MFRP: variants seen among roughly 807,000 people sequenced by gnomAD.
MFRP encodes the protein C1q and TNF related 5.
MFRP carries 74 observed loss-of-function variants against 65.8 expected under a neutral mutation model. The ratio of observed to expected loss-of-function variants is 1.12; its 90% CI spans 0.93 to 1.36. MFRP has a LOEUF of 1.36. Among genes scored for constraint, MFRP ranks in the 40% most tolerant of loss-of-function variants. The pLI is 0.00. For synonymous variants in MFRP, 336 were observed against 288.3 expected, an observed-to-expected ratio of 1.17 and a Z score of -1.68; for missense variants, 838 against 736.0, an observed-to-expected ratio of 1.14 and a Z score of -1.60.
chr11:119,345,000 A>T lies in MFRP; in HGVS notation c.646T>A (p.Cys216Ser). ...PEPEGPLLRVCGRVPPPTLNT... is the reference protein window; with the variant it reads ...PEPEGPLLRVSGRVPPPTLNT... Reference sequence around the variant, plus strand: ...AGCGTGGGGGGAGGCACCCTTCCACAAACCCTGCAAGAAGCCAGGTTGGGG... The same window carrying T: ...AGCGTGGGGGGAGGCACCCTTCCACTAACCCTGCAAGAAGCCAGGTTGGGG... The change falls in exon 6 of 15, where the codon TGT becomes AGT. Residue 216 changes from cysteine to serine, a missense_variant. Coordinates refer to ENST00000619721, the MANE Select transcript of MFRP (RefSeq NM_031433.4). 1 of 1,604,462 alleles carries T rather than the reference A, an allele frequency of 6.2e-7. No individual in the cohort carries two copies. Among genetic ancestry groups the T allele is most frequent in the Non-Finnish European group, 8.5e-7 (1 of 1,176,660 alleles).
Position 119,341,170 on chromosome 11 carries a change from C to T in MFRP, c.*378G>A. 6 of 283,350 alleles carry T rather than the reference C, an allele frequency of 2.1e-5. No homozygotes were observed. The South Asian group carries it at 2.4e-4, about 11-fold the overall frequency. The allele number at this position is 283,350 out of a possible 1,614,324, so 17.6% of individuals were successfully genotyped here. ...CAGACAGCCAGTTGGATCCCTAGGG[C>T]CTAGGACAGGGGCCTGCCACATGAA... is the stretch of plus-strand genomic sequence containing the variant. On this transcript the variant is annotated 3_prime_UTR_variant, in exon 13 of 15. Transcript: ENST00000619721.
Position 119,344,409 on chromosome 11 carries a change from G to T in MFRP, c.899-18C>A. ...CCCACACCCTGTAGAGAGGTGGAAG[G>T]GCTCATGAGTTTGCTAGGATCTGTG... On this transcript the variant is annotated intron_variant, in intron 7 of 14. Coordinates refer to ENST00000619721, the MANE Select transcript of MFRP (RefSeq NM_031433.4). 2.5e-6 allele frequency: 4 copies of T among 1,611,388 alleles called. No individual in the cohort carries two copies. The highest frequency in any genetic ancestry group is 1.1e-5 in the South Asian group (1 of 90,790).
intron 9 of MFRP, 115 bp downstream of exon 9, chr11:119,343,701 T>C: frequency 7.5e-7 from 1 of 1,336,638 alleles, no homozygotes; most frequent in Non-Finnish European, 1.1e-6. Flanking sequence ...ACCCCCGGCC[T>C]GGAGTAGCAG....
In MFRP at chr11:119,339,086, C is replaced by T. The variant is rs115670501; in HGVS notation, c.*1873G>A. On this transcript the variant is annotated 3_prime_UTR_variant, in exon 15 of 15. Transcript: ENST00000619721. This position sits in a 1 kb window ranked among gnomAD's most constrained non-coding sequence, Gnocchi z 5.4. ...TGGACCAGAGCAACTGGGGGACTTA[C>T]ACTTGCCAGCACAGCACACTCCTCT... 6 of 504,326 alleles carry T rather than the reference C, an allele frequency of 1.2e-5. No homozygotes were observed. Among genetic ancestry groups the T allele is most frequent in the African/African-American group, 9.5e-5 (5 of 52,450 alleles). 31.2% of individuals were successfully genotyped at this position (504,326 alleles called of 1,614,324 possible).
At chr11:119,344,070 T>A in intron 8 of MFRP, 106 bp from the exon 9 acceptor site, 1 of 1,439,802 alleles carries the variant, frequency 6.9e-7, no homozygotes, top group Non-Finnish European at 9.6e-7. Flanking sequence ...GATGGGGTGG[T>A]GCTTTCATCA....
At chr11:119,343,768 C>G (rs1565293875) in intron 9 of MFRP, 48 bp downstream of exon 9, 3 of 1,611,432 alleles carry the variant, frequency 1.9e-6, no homozygotes, top group Non-Finnish European at 2.5e-6. Context: ...CCGGGGGTGG[C>G]AGACAGTGAG....
In MFRP at chr11:119,340,908, G is replaced by GAAAT; in HGVS notation, c.*636_*639dup. 1 of 169,634 alleles carries GAAAT rather than the reference G, an allele frequency of 5.9e-6. No homozygotes were observed. Among genetic ancestry groups the GAAAT allele is most frequent in the Admixed American group, 6.2e-5 (1 of 16,248 alleles). 10.5% of individuals were successfully genotyped at this position (169,634 alleles called of 1,614,324 possible). On this transcript the variant is annotated 3_prime_UTR_variant, in exon 13 of 15. Coordinates refer to ENST00000619721, the MANE Select transcript of MFRP (RefSeq NM_031433.4). ...CAGGGGCCAAGAGCTCCCGGACCGG[G>GAAAT]AAATAGCTGGGAAATAACTCGTGGT...
Position 119,339,191 on chromosome 11 carries a change from C to T in MFRP, c.*1768G>A. 6.4e-6 allele frequency: 6 copies of T among 934,630 alleles called. No homozygotes were observed. The highest frequency in any genetic ancestry group is 9.5e-6 in the Non-Finnish European group (6 of 633,748). 57.9% of individuals were successfully genotyped at this position (934,630 alleles called of 1,614,324 possible). A position where few individuals can be genotyped will look rare whatever the true frequency, so the allele number is the denominator to read the frequency against. ...AGCCACTGTTCCCATTCCTTGCCAG[C>T]AGCAGGACGGAGAGTGCTCTACCCC... On this transcript the variant is annotated 3_prime_UTR_variant, in exon 15 of 15. Transcript: ENST00000619721. This position sits in a 1 kb window ranked among gnomAD's most constrained non-coding sequence, Gnocchi z 5.4.
chr11:119,341,628 C>T lies in MFRP; in HGVS notation c.1660G>A (p.Ala554Thr). Reference protein sequence around the residue: ...EAEHQCQSGLALLGTPWPFNC... With the variant: ...EAEHQCQSGLTLLGTPWPFNC... ...AAGGGCCAGGGGGTGCCCAGTAGTG[C>T]CAGGCCAGACTGGCACTGGTGCTCC... Residue 554 changes from alanine (A) to threonine (T), a missense_variant, in exon 13 of 15, where the codon GCA (alanine) becomes ACA (threonine). Physicochemically the swap from Ala to Thr is moderately conservative, Grantham distance 58. Transcript: ENST00000619721. 2 of 1,612,978 alleles carry T rather than the reference C, an allele frequency of 1.2e-6. No individual in the cohort carries two copies. Among genetic ancestry groups the T allele is most frequent in the Non-Finnish European group, 1.7e-6 (2 of 1,180,022 alleles).
At chr11:119,343,782 G>A in intron 9 of MFRP, 34 bp downstream of exon 9, 1 of 1,613,330 alleles carries the variant, frequency 6.2e-7, no homozygotes, top group African/African-American at 1.3e-5. Flanking sequence ...CAGTGAGGAT[G>A]GAGTTATCCA....
At position 119,340,309 on chromosome 11, in the gene MFRP, C is replaced by G; in HGVS notation, c.*985G>C. 1 of 1,539,196 alleles carries G rather than the reference C, an allele frequency of 6.5e-7. No homozygotes were observed. The highest frequency in any genetic ancestry group is 8.7e-7 in the Non-Finnish European group (1 of 1,143,662). On this transcript the variant is annotated 3_prime_UTR_variant, in exon 14 of 15. Transcript: ENST00000619721. ...CGGCGTGCCTGGAAGGCCGGGGTGC[C>G]CCGGGCAGAGGCTGGGGATCTTGTT... is the stretch of plus-strand genomic sequence containing the variant.
At chr11:119,345,129 C>A in intron 5 of MFRP, 125 bp from the exon 6 acceptor site, 1 of 1,292,978 alleles carries the variant, frequency 7.7e-7, no homozygotes, top group East Asian at 2.5e-5. Context: ...GTCAAAAAGG[C>A]TCCTCTGATG....
rs1303910426 is a variant in MFRP, at chr11:119,344,703, T to C, written c.827A>G (p.Asp276Gly). The C allele has an allele frequency of 4.3e-6, 7 of 1,614,004 alleles. No homozygotes were observed. In the Admixed American group the frequency reaches 8.3e-5, roughly 19 times the overall value. Residue 276 changes from aspartate to glycine, a missense_variant, in exon 7 of 15, where the codon GAC becomes GGC. Physicochemically the swap from Asp to Gly is moderately conservative, Grantham distance 94. Coordinates refer to ENST00000619721, the MANE Select transcript of MFRP (RefSeq NM_031433.4). Reference sequence around the variant, plus strand: ...GTTGGCAAAACCATCACACACTGAGTCAGGTAGCAGGCAGATGAGCTGGTC... The same window carrying C: ...GTTGGCAAAACCATCACACACTGAGCCAGGTAGCAGGCAGATGAGCTGGTC... ...RCDQLICLLP[D>G]SVCDGFANCA...
chr11:119,339,331 C>A lies in MFRP; in HGVS notation c.*1628G>T, dbSNP rs1400922950. The A allele has an allele frequency of 6.2e-7, 1 of 1,612,178 alleles. No homozygotes were observed. Among genetic ancestry groups the A allele is most frequent in the Non-Finnish European group, 8.5e-7 (1 of 1,178,946 alleles). ...GCATGAGCTCACTTTGCAGTGGGCA[C>A]TAAGCAAAGACTGGGGAGCTGTGCC... On this transcript the variant is annotated 3_prime_UTR_variant, in exon 15 of 15. Transcript: ENST00000619721. This position sits in a 1 kb window ranked among gnomAD's most constrained non-coding sequence, Gnocchi z 5.4.
At chr11:119,344,445 A>G (rs979607337) in intron 7 of MFRP, 54 bp from the exon 8 acceptor site, 113 of 1,574,234 alleles carry the variant, frequency 7.2e-5, no homozygotes, top group East Asian at 2.3e-4. Flanking sequence ...CCTCCATCCA[A>G]TAGGGCTGGC....
Position 119,345,843 on chromosome 11 carries a change from G to A in MFRP, c.357C>T (p.Ile119=). The A allele has an allele frequency of 6.2e-7, 1 of 1,613,960 alleles. No individual in the cohort carries two copies. The highest frequency in any genetic ancestry group is 1.1e-5 in the South Asian group (1 of 91,080). ...GGGTCCCAGCTGCCTGAGAGGTGGT[G>A]ATGGTGGGGGTGGTGGTGGTCGTGG... ...GLTTTTTTPT[I]TTSQAAGTPK... Residue 119 remains isoleucine (I), a synonymous_variant, in exon 4 of 15, where the codon ATC becomes ATT. Transcript: ENST00000619721.
Position 119,344,633 on chromosome 11 carries a change from C to G in MFRP, c.897G>C (p.Ser299=). 1 of 1,614,032 alleles carries G rather than the reference C, an allele frequency of 6.2e-7. No homozygotes were observed. Among genetic ancestry groups the G allele is most frequent in the Non-Finnish European group, 8.5e-7 (1 of 1,180,032 alleles). ...AGGACCCCCATGCCTGGCCCGTACC[C>G]GAGAACTTGGCACTGCAATTGGTCT... ...SDETNCSAKF[S]GCGGNLTGLQ... is the part of the protein sequence containing the mutation. Residue 299 remains serine (S), a splice_region_variant and synonymous_variant, in exon 7 of 15, where the codon TCG becomes TCC. Coordinates refer to ENST00000619721, the MANE Select transcript of MFRP (RefSeq NM_031433.4).
intron 11 of MFRP, 139 bp from the exon 12 acceptor site, chr11:119,342,123 GAC>G: frequency 9.6e-7 from 1 of 1,042,998 alleles, no homozygotes; most frequent in Non-Finnish European, 1.4e-6. Flanking sequence ...ATAACAAAGA[GAC>G]AGGCTGTACA....
In MFRP at chr11:119,340,456, G is replaced by T; in HGVS notation, c.*854-16C>A. On this transcript the variant is annotated splice_polypyrimidine_tract_variant and intron_variant, in intron 13 of 14. Coordinates refer to ENST00000619721, the MANE Select transcript of MFRP (RefSeq NM_031433.4). ...CTCTCGCAGTCTGTGGACCAGGCAG[G>T]ACTGGAGTCGGGACCCAGAATCCTG... The T allele has an allele frequency of 6.6e-7, 1 of 1,506,948 alleles. No individual in the cohort carries two copies. Among genetic ancestry groups the T allele is most frequent in the African/African-American group, 1.4e-5 (1 of 71,778 alleles). 93.3% of individuals were successfully genotyped at this position (1,506,948 alleles called of 1,614,324 possible).
Sources: gnomAD v4.1 joint callset for allele counts on GRCh38, gnomAD v4.1.1 for gene constraint, Gnocchi (gnomAD v3.1) non-coding constraint, MANE v1.5 for transcripts, NCBI Gene and HGNC (gene_info 2026-07-23, HGNC 2026-07-21) for gene names.